The following KIF26B variants were observed in gnomAD, a reference collection of about 807,000 sequenced individuals.
The protein encoded by KIF26B is kinesin family member 26B.
A neutral mutation model predicts 151.2 loss-of-function variants in KIF26B; 63 were observed. That is an observed-to-expected ratio of 0.42 (90% confidence interval 0.34 to 0.51). The LOEUF (loss-of-function observed/expected upper bound fraction) is 0.51, where lower values mean the gene tolerates loss of function less well. KIF26B is among the 20% of genes least tolerant of loss of function. The pLI is 0.07. For missense variants in KIF26B, 2,813 were observed against 2,913.6 expected (o/e 0.97, Z 0.79); for synonymous variants, 1,357 against 1,262.1 (o/e 1.08, Z -1.59).
chr1:245,268,148 G>T (rs1309964683), intron 2 of KIF26B, among the ~76,000 whole-genome samples: 1 of 151,892 alleles, frequency 6.6e-6, no homozygotes, highest in African/African-American at 2.4e-5. Context: ...CTCTAGGCTG[G>T]GTGACACAGC....
At chr1:245,395,728 A>C (rs1673819703) in intron 3 of KIF26B, among the ~76,000 whole-genome samples, 1 of 152,158 alleles carries the variant, frequency 6.6e-6, no homozygotes, top group African/African-American at 2.4e-5. Flanking sequence ...ATACCCCCCA[A>C]AGTGTCATAA....
chr1:245,187,817 A>C (rs982742188), intron 2 of KIF26B, among the ~76,000 whole-genome samples: 2 of 152,200 alleles, frequency 1.3e-5, no homozygotes, highest in Non-Finnish European at 2.9e-5. Flanking sequence ...ATGATAGGGA[A>C]AGTTGGTTAA....
intron 2 of KIF26B, among the ~76,000 whole-genome samples, chr1:245,250,280 A>G (rs917111147): frequency 6.6e-6 from 1 of 152,150 alleles, no homozygotes; most frequent in African/African-American, 2.4e-5. Context: ...AATACCGTAT[A>G]TTTTGTATGC....
intron 2 of KIF26B, among the ~76,000 whole-genome samples, chr1:245,185,214 C>T (rs972148165): frequency 2.0e-5 from 3 of 151,540 alleles, no homozygotes; most frequent in African/African-American, 7.3e-5. Context: ...TCTTGGTTCA[C>T]TGCAGCCTCT....
At chr1:245,451,563 A>G (rs923758110) in intron 4 of KIF26B, among the ~76,000 whole-genome samples, 1 of 147,054 alleles carries the variant, frequency 6.8e-6, no homozygotes, top group Non-Finnish European at 1.5e-5. Flanking sequence ...TACAAAGTAT[A>G]ATATGTATCC....
intron 2 of KIF26B, among the ~76,000 whole-genome samples, chr1:245,230,049 C>T (rs1460774442): frequency 6.6e-6 from 1 of 151,892 alleles, no homozygotes; most frequent in Non-Finnish European, 1.5e-5. Flanking sequence ...AGGAGAATCG[C>T]TTGAACCCGG....
intron 2 of KIF26B, among the ~76,000 whole-genome samples, chr1:245,197,445 C>A (rs1669215501): frequency 6.6e-6 from 1 of 152,048 alleles, no homozygotes; most frequent in Non-Finnish European, 1.5e-5. Context: ...ACAGTGGAGA[C>A]TGATCTTTTA....
At chr1:245,607,020 C>T (rs1015666559) in intron 6 of KIF26B, among the ~76,000 whole-genome samples, 13 of 141,658 alleles carry the variant, frequency 9.2e-5, no homozygotes, top group East Asian at 4.3e-4. Context: ...GAGTTGAGAT[C>T]GCACCATTGC....
chr1:245,294,808 AC>A (rs150905047), intron 2 of KIF26B, among the ~76,000 whole-genome samples: 4,341 of 152,082 alleles, frequency 0.029, 212 homozygotes, highest in African/African-American at 0.099. Flanking sequence ...GATTACAGGC[AC>A]CCACCAACAG....
intron 2 of KIF26B, among the ~76,000 whole-genome samples, chr1:245,215,805 A>C (rs1669631164): frequency 6.6e-6 from 1 of 152,142 alleles, no homozygotes; most frequent in African/African-American, 2.4e-5. Flanking sequence ...TTTTGGACTA[A>C]TGATGTGAGT....
chr1:245,622,940 C>T (rs1043173541), intron 9 of KIF26B, among the ~76,000 whole-genome samples: 15 of 151,528 alleles, frequency 9.9e-5, no homozygotes, highest in African/African-American at 1.9e-4. Context: ...TGATGGAGGC[C>T]GCAGGATGTA....
intron 2 of KIF26B, among the ~76,000 whole-genome samples, chr1:245,156,979 C>G (rs1202968990): frequency 1.3e-5 from 2 of 152,242 alleles, no homozygotes; most frequent in African/African-American, 2.4e-5. Context: ...CCTGCCGCCC[C>G]CTCCCAGCTC....
chr1:245,231,263 C>G (rs1241674473), intron 2 of KIF26B, among the ~76,000 whole-genome samples: 2 of 152,074 alleles, frequency 1.3e-5, no homozygotes, highest in South Asian at 2.1e-4. Flanking sequence ...ATCCATAATC[C>G]CAGCACTTTG....
At chr1:245,701,035 A>AAGTC (rs1000733777) in intron 14 of KIF26B, among the ~76,000 whole-genome samples, 6 of 145,250 alleles carry the variant, frequency 4.1e-5, no homozygotes, top group Admixed American at 6.7e-5. Flanking sequence ...TCATCTTACA[A>AAGTC]AGTCAGTCAT....
intron 4 of KIF26B, among the ~76,000 whole-genome samples, chr1:245,517,524 C>G (rs945156862): frequency 6.6e-6 from 1 of 152,076 alleles, no homozygotes; most frequent in African/African-American, 2.4e-5. Context: ...GACCTGTAGA[C>G]CAAATGGAGG....
intron 10 of KIF26B, among the ~76,000 whole-genome samples, chr1:245,654,904 G>A (rs187751091): frequency 1.3e-5 from 2 of 152,342 alleles, no homozygotes; most frequent in African/African-American, 2.4e-5. Flanking sequence ...TGAGAATGAC[G>A]GCAGGGCTGG....
chr1:245,490,861 T>C (rs552133366), intron 4 of KIF26B, among the ~76,000 whole-genome samples: 1 of 152,366 alleles, frequency 6.6e-6, no homozygotes, highest in East Asian at 1.9e-4. Flanking sequence ...TGAACCTGTC[T>C]ATCAAGAATC....
At chr1:245,524,788 C>T (rs73135613) in intron 4 of KIF26B, among the ~76,000 whole-genome samples, 2,759 of 152,032 alleles carry the variant, frequency 0.018, 85 homozygotes, top group African/African-American at 0.063. Context: ...AAAGAATAGC[C>T]GAGGCCCCCC....
intron 10 of KIF26B, among the ~76,000 whole-genome samples, chr1:245,661,706 TAC>T (rs398103927): frequency 3.9e-5 from 3 of 77,274 alleles, no homozygotes; most frequent in Non-Finnish European, 8.6e-5. Context: ...TATACATATA[TAC>T]ACACACACCA....
Sources: gnomAD v4.1 joint callset for allele counts (sites outside exome capture counted in the v4.1 genomes callset) on GRCh38, gnomAD v4.1.1 for gene constraint, MANE v1.5 for transcripts, NCBI Gene and HGNC (gene_info 2026-07-23, HGNC 2026-07-21) for gene names.